The following CNTNAP5 variants were observed in gnomAD, a reference collection of about 807,000 sequenced individuals.
CNTNAP5 encodes the protein contactin-associated protein-like 5.
CNTNAP5 carries 72 observed loss-of-function variants against 150.2 expected under a neutral mutation model. That is an observed-to-expected ratio of 0.48 (90% confidence interval 0.40 to 0.58). The LOEUF (loss-of-function observed/expected upper bound fraction) is 0.58. Among genes scored for constraint, CNTNAP5 ranks in the 20% least tolerant of loss-of-function variants. The pLI, the probability that CNTNAP5 is intolerant of heterozygous loss-of-function variation, is 0.00. For missense variants in CNTNAP5, 1,636 were observed against 1,626.2 expected (o/e 1.01, Z -0.10); for synonymous variants, 672 against 619.8 (o/e 1.08, Z -1.25).
intron 9 of CNTNAP5, among the ~76,000 whole-genome samples, chr2:124,525,984 G>A (rs530244932): frequency 7.8e-4 from 119 of 152,234 alleles, no homozygotes; most frequent in Admixed American, 3.5e-3. Flanking sequence ...GTTGGGGTCC[G>A]AAAAGATAAC....
intron 11 of CNTNAP5, among the ~76,000 whole-genome samples, chr2:124,591,282 A>G (rs1203969490): frequency 1.3e-5 from 2 of 152,184 alleles, no homozygotes; most frequent in African/African-American, 4.8e-5. Flanking sequence ...GATTTCCTCA[A>G]AGATGACCTT....
chr2:124,411,344 T>C (rs1558889291), intron 3 of CNTNAP5, among the ~76,000 whole-genome samples: 2 of 151,888 alleles, frequency 1.3e-5, no homozygotes, highest in Non-Finnish European at 2.9e-5. Flanking sequence ...TTCCAATCAA[T>C]AGAAAAAGAG....
intron 4 of CNTNAP5, among the ~76,000 whole-genome samples, chr2:124,429,218 C>G (rs1328315726): frequency 6.6e-6 from 1 of 152,044 alleles, no homozygotes; most frequent in Admixed American, 6.5e-5. Context: ...GTTGGGAGTG[C>G]TGAGTATTCT....
chr2:124,362,453 C>T (rs1690239640), intron 3 of CNTNAP5, among the ~76,000 whole-genome samples: 1 of 152,212 alleles, frequency 6.6e-6, no homozygotes, highest in Non-Finnish European at 1.5e-5. Flanking sequence ...TCTTATCATA[C>T]ATTAGACAAA....
chr2:124,180,923 T>C (rs1401911461), intron 1 of CNTNAP5, among the ~76,000 whole-genome samples: 1 of 151,976 alleles, frequency 6.6e-6, no homozygotes, highest in Non-Finnish European at 1.5e-5. Flanking sequence ...GTATCAAGCC[T>C]GGTAAAAGCC....
At chr2:124,045,281 T>C (rs77161757) in intron 1 of CNTNAP5, among the ~76,000 whole-genome samples, 11,545 of 138,394 alleles carry the variant, frequency 0.083, 593 homozygotes, top group Non-Finnish European at 0.12. Context: ...ACTTTGATTT[T>C]CTTTTCTTTT....
intron 1 of CNTNAP5, among the ~76,000 whole-genome samples, chr2:124,151,184 T>C (rs1325142378): frequency 1.3e-5 from 2 of 152,036 alleles, no homozygotes; most frequent in Non-Finnish European, 2.9e-5. Flanking sequence ...CAGTCCATGA[T>C]ATGGGGTGAA....
At chr2:124,500,909 G>A (rs546961350) in intron 7 of CNTNAP5, among the ~76,000 whole-genome samples, 1 of 152,246 alleles carries the variant, frequency 6.6e-6, no homozygotes, top group South Asian at 2.1e-4. Flanking sequence ...ATTATCATCT[G>A]GAACAGCAGT....
chr2:124,439,404 C>T (rs1156392922), intron 5 of CNTNAP5, among the ~76,000 whole-genome samples: 1 of 152,106 alleles, frequency 6.6e-6, no homozygotes, highest in Admixed American at 6.6e-5. Flanking sequence ...TACTTTTTAG[C>T]TTGGTTATAT....
chr2:124,665,201 T>C (rs563254349), intron 13 of CNTNAP5, among the ~76,000 whole-genome samples: 1 of 152,368 alleles, frequency 6.6e-6, no homozygotes, highest in Admixed American at 6.5e-5. Flanking sequence ...TTTTATCTTC[T>C]ATCTACTATA....
At chr2:124,865,176 T>G (rs745944577) in intron 19 of CNTNAP5, 130 bp from the exon 20 acceptor site, 68 of 728,064 alleles carry the variant, frequency 9.3e-5, no homozygotes, top group Non-Finnish European at 1.4e-4. Context: ...ACGTGATATA[T>G]TTTTAAAAAT....
chr2:124,219,565 T>C (rs1431104471), intron 1 of CNTNAP5, among the ~76,000 whole-genome samples: 1 of 152,078 alleles, frequency 6.6e-6, no homozygotes, highest in African/African-American at 2.4e-5. Flanking sequence ...TGAATGTAGA[T>C]ACCGTATTGA....
chr2:124,184,399 T>C (rs1306251333), intron 1 of CNTNAP5, among the ~76,000 whole-genome samples: 2 of 152,194 alleles, frequency 1.3e-5, no homozygotes, highest in Non-Finnish European at 2.9e-5. Flanking sequence ...AGATAAAATA[T>C]AGTTACATTT....
chr2:124,763,891 A>C, intron 15 of CNTNAP5, 86 bp from the exon 16 acceptor site: 1 of 1,592,414 alleles, frequency 6.3e-7, no homozygotes, highest in Non-Finnish European at 8.6e-7. Flanking sequence ...AGTGTGCCCT[A>C]GTCTTGAAAA....
chr2:124,134,210 C>T (rs1243082113), intron 1 of CNTNAP5, among the ~76,000 whole-genome samples: 1 of 152,150 alleles, frequency 6.6e-6, no homozygotes, highest in Non-Finnish European at 1.5e-5. Context: ...GTTCGTTCCA[C>T]TGGACCATTA....
At chr2:124,363,278 T>G (rs1690267990) in intron 3 of CNTNAP5, among the ~76,000 whole-genome samples, 1 of 151,550 alleles carries the variant, frequency 6.6e-6, no homozygotes, top group Non-Finnish European at 1.5e-5. Context: ...CAAATTTGTT[T>G]GTAGGACCAG....
chr2:124,530,151 A>C (rs909454198), intron 10 of CNTNAP5, among the ~76,000 whole-genome samples: 1 of 152,044 alleles, frequency 6.6e-6, no homozygotes, highest in Non-Finnish European at 1.5e-5. Context: ...GTCTTTACTA[A>C]AAATAAAAAC....
At chr2:124,027,653 G>A (rs561127958) in intron 1 of CNTNAP5, among the ~76,000 whole-genome samples, 1 of 152,280 alleles carries the variant, frequency 6.6e-6, no homozygotes, top group South Asian at 2.1e-4. Context: ...TAGTAATAAA[G>A]CTAATTCTGA....
chr2:124,851,011 G>T (rs74473968), intron 19 of CNTNAP5, among the ~76,000 whole-genome samples: 1 of 152,106 alleles, frequency 6.6e-6, no homozygotes, highest in Non-Finnish European at 1.5e-5. Context: ...TATAGATAAC[G>T]CCTTAAAAGT....
Sources: gnomAD v4.1 joint callset for allele counts (sites outside exome capture counted in the v4.1 genomes callset) on GRCh38, gnomAD v4.1.1 for gene constraint, MANE v1.5 for transcripts, NCBI Gene and HGNC (gene_info 2026-07-23, HGNC 2026-07-21) for gene names.